Variants in SFXN2 observed in about 807,000 individuals in gnomAD.
The protein encoded by SFXN2 is sideroflexin-2.
A neutral mutation model predicts 41.9 loss-of-function variants in SFXN2; 37 were observed. The observed-to-expected ratio is 0.88, with a 90% CI of 0.68 to 1.16. SFXN2 has a LOEUF of 1.16. Among genes scored for constraint, SFXN2 ranks in the 50% most tolerant of loss-of-function variants. The pLI, the probability that SFXN2 is intolerant of heterozygous loss-of-function variation, is 0.00. For synonymous variants in SFXN2, 150 were observed against 156.7 expected (o/e 0.96, Z 0.32); for missense variants, 386 against 425.2 (o/e 0.91, Z 0.81).
At chr10:102,728,645 AC>A in intron 4 of SFXN2, 116 bp downstream of exon 4, 1 of 821,406 alleles carries the variant, frequency 1.2e-6, no homozygotes, top group Non-Finnish European at 2.0e-6. Context: ...TGACCAAGTC[AC>A]CCTTTCCCAG....
chr10:102,717,853 TG>T (rs1198589669), intron 1 of SFXN2: 2 of 943,596 alleles, frequency 2.1e-6, no homozygotes, highest in African/African-American at 3.5e-5. Context: ...TCCCGATGCT[TG>T]TGAGCCTTAC....
intron 11 of SFXN2, 63 bp from the exon 12 acceptor site, chr10:102,737,600 A>C: frequency 9.4e-7 from 1 of 1,069,464 alleles, no homozygotes; most frequent in Non-Finnish European, 1.4e-6. Context: ...GGTGATATTC[A>C]TCTGAGGGTA....
At chr10:102,725,813 G>A (rs2064583756) in intron 1 of SFXN2, among the ~76,000 whole-genome samples, 1 of 152,036 alleles carries the variant, frequency 6.6e-6, no homozygotes, top group South Asian at 2.1e-4. Flanking sequence ...GGTAATAGTT[G>A]CATTGAACCA....
rs765271266 is a variant in SFXN2 at position 102,732,948 on chromosome 10, G to C, written c.771+40G>C. On this transcript the variant is annotated intron_variant, in intron 9 of 11. Transcript: ENST00000369893. ...CTTTGGCATTTTCCCTGCCCAGAGTGCGTCCAGCCACATCTGTCCCTAGGG... is the reference window on the plus strand; with the variant it reads ...CTTTGGCATTTTCCCTGCCCAGAGTCCGTCCAGCCACATCTGTCCCTAGGG... 7 of 1,609,128 alleles carry C rather than the reference G, an allele frequency of 4.4e-6. No homozygotes were observed. The South Asian group carries it at 7.7e-5, about 18-fold the overall frequency.
chr10:102,727,916 C>G (rs147785356), intron 3 of SFXN2: 116 of 162,768 alleles, frequency 7.1e-4, no homozygotes, highest in African/African-American at 2.5e-3. Flanking sequence ...TCCCTCTCAA[C>G]AGGGCAGGGT....
At chr10:102,719,207 G>A (rs925697186) in intron 1 of SFXN2, among the ~76,000 whole-genome samples, 6 of 151,292 alleles carry the variant, frequency 4.0e-5, no homozygotes, top group Non-Finnish European at 7.4e-5. Flanking sequence ...ACAGGCATGA[G>A]CCACCGTGCC....
intron 10 of SFXN2, among the ~76,000 whole-genome samples, chr10:102,735,463 C>T (rs2064763138): frequency 6.7e-6 from 1 of 149,688 alleles, no homozygotes; most frequent in Non-Finnish European, 1.5e-5. Context: ...CATGATGCTC[C>T]TCCCCTCCAT....
chr10:102,736,487 T>C (rs2064780468), intron 11 of SFXN2, among the ~76,000 whole-genome samples: 1 of 148,722 alleles, frequency 6.7e-6, no homozygotes. Flanking sequence ...AGAGGTGCAG[T>C]CTCGGCTCAC....
Position 102,743,486 on chromosome 10 carries a change from A to G in SFXN2, c.*5724A>G, listed in dbSNP as rs1482900542. ...ACAAAAGACATTAAAATATTTTTAC[A>G]TTGCAATTGTTTTCCTCTTCAGGAG... On this transcript the variant is annotated 3_prime_UTR_variant, in exon 12 of 12. Transcript: ENST00000369893. 1.3e-5 allele frequency: 2 copies of G among 152,438 alleles called. No individual in the cohort carries two copies. The highest frequency in any genetic ancestry group is 4.8e-5 in the African/African-American group (2 of 41,454). The allele number at this position is 152,438 out of a possible 1,614,324, so 9.4% of individuals were successfully genotyped here. A position where few individuals can be genotyped will look rare whatever the true frequency, so the allele number is the denominator to read the frequency against.
At chr10:102,718,839 G>A (rs2064457133) in intron 1 of SFXN2, among the ~76,000 whole-genome samples, 1 of 151,668 alleles carries the variant, frequency 6.6e-6, no homozygotes, top group Admixed American at 6.6e-5. Context: ...GGGATTACAG[G>A]CCTGTGCCTG....
Position 102,732,034 on chromosome 10 carries a change from G to C in SFXN2, c.655-118G>C, listed in dbSNP as rs1016463184. On this transcript the variant is annotated intron_variant, in intron 7 of 11. Transcript: ENST00000369893. The stretch of plus-strand genomic sequence containing the variant: ...AAGTGAGGTCACTCAGCAACTGGAG[G>C]GTCCTTCCCTTCCCCTTTACCATCT... The C allele has an allele frequency of 4.1e-6, 4 of 986,678 alleles. No individual in the cohort carries two copies. In the African/African-American group the frequency reaches 6.5e-5, roughly 16 times the overall value. 61.1% of individuals were successfully genotyped at this position (986,678 alleles called of 1,614,324 possible). A position where few individuals can be genotyped will look rare whatever the true frequency, so the allele number is the denominator to read the frequency against.
At chr10:102,728,128 G>A (rs1182822734) in intron 3 of SFXN2, among the ~76,000 whole-genome samples, 9 of 151,964 alleles carry the variant, frequency 5.9e-5, no homozygotes, top group African/African-American at 1.5e-4. Context: ...GTGAAACCCC[G>A]TCTCTACTAA....
chr10:102,717,815 C>T (rs2064439651), intron 1 of SFXN2: 1 of 984,630 alleles, frequency 1.0e-6, no homozygotes, highest in South Asian at 4.7e-5. Context: ...GCATGTGAAA[C>T]ATGTAGCAGT....
intron 10 of SFXN2, among the ~76,000 whole-genome samples, chr10:102,735,215 A>C (rs1590155393): frequency 1.6e-5 from 2 of 122,518 alleles, no homozygotes; most frequent in Admixed American, 8.6e-5. Context: ...CCTCCCCTCC[A>C]TGTCCTTCTC....
rs1397480697 is a variant in SFXN2 at position 102,734,922 on chromosome 10, G to A, written c.822-940G>A. Among the ~76,000 whole-genome samples the A allele has an allele frequency of 6.6e-6, 1 of 152,110 alleles. No individual in the cohort carries two copies. Among genetic ancestry groups the A allele is most frequent in the Non-Finnish European group, 1.5e-5 (1 of 68,014 alleles). On this transcript the variant is annotated intron_variant, in intron 10 of 11. Transcript: ENST00000369893. The surrounding 1 kb of genome is among the most constrained non-coding windows in gnomAD (Gnocchi z 4.1). ...GTCCTTCCCCAGACCCCCTCAGTTGGCACCTGGCATTTTAATAAGCTCCTG... is the reference window on the plus strand; with the variant it reads ...GTCCTTCCCCAGACCCCCTCAGTTGACACCTGGCATTTTAATAAGCTCCTG...
intron 1 of SFXN2, among the ~76,000 whole-genome samples, chr10:102,719,347 G>T (rs2136026923): frequency 6.7e-6 from 1 of 150,250 alleles, no homozygotes; most frequent in South Asian, 2.1e-4. Context: ...TCAGCCTCCT[G>T]AATAGCTAGG....
intron 1 of SFXN2, among the ~76,000 whole-genome samples, chr10:102,722,149 A>G (rs1221898645): frequency 1.3e-5 from 2 of 152,198 alleles, no homozygotes; most frequent in East Asian, 1.9e-4. Context: ...AAGTCTTTCA[A>G]TGACTCCCTG....
At chr10:102,731,599 C>T (rs2064704885) in intron 6 of SFXN2, 124 bp from the exon 7 acceptor site, 1 of 736,548 alleles carries the variant, frequency 1.4e-6, no homozygotes, top group East Asian at 2.5e-5. Flanking sequence ...AGGTCAAAGG[C>T]CCAGGCTACA....
intron 1 of SFXN2, among the ~76,000 whole-genome samples, chr10:102,721,572 AAT>A (rs2064509459): frequency 6.8e-6 from 1 of 147,640 alleles, no homozygotes; most frequent in Admixed American, 6.8e-5. Context: ...ATATATTATA[AAT>A]ATATGTTGCT....
Sources: allele counts gnomAD v4.1 joint callset (sites outside exome capture counted in the v4.1 genomes callset), GRCh38; gene constraint gnomAD v4.1.1; non-coding constraint Gnocchi (gnomAD v3.1); transcripts MANE v1.5; gene names NCBI Gene and HGNC (gene_info 2026-07-23, HGNC 2026-07-21).